HFM1: variants seen among roughly 807,000 people sequenced by gnomAD.
HFM1 encodes helicase for meiosis 1.
Under a neutral mutation model 192.1 loss-of-function variants are expected in HFM1, and 169 were observed. The observed-to-expected ratio is 0.88, with a 90% CI of 0.78 to 1.00. HFM1 has a LOEUF of 1.00. Ranked by LOEUF, HFM1 falls within the 50% of genes least tolerant of loss-of-function variation. The pLI is 0.00. For synonymous variants in HFM1, 525 were observed against 537.8 expected, an observed-to-expected ratio of 0.98 and a Z score of 0.33; for missense variants, 1,661 against 1,668.0, an observed-to-expected ratio of 1.00 and a Z score of 0.07.
At chr1:91,316,334 G>T in intron 26 of HFM1, 57 bp downstream of exon 26, 1 of 1,134,686 alleles carries the variant, frequency 8.8e-7, no homozygotes. Context: ...ACTTTTAATA[G>T]AAATAAAGGT....
At chr1:91,359,068 C>A (rs282053) in intron 13 of HFM1, among the ~76,000 whole-genome samples, 135,038 of 151,932 alleles carry the variant, frequency 0.89, 60,084 homozygotes, top group Middle Eastern at 0.94. Flanking sequence ...AACACCACCA[C>A]CAACAACAAA....
At chr1:91,375,033 G>A (rs1047126887) in intron 13 of HFM1, among the ~76,000 whole-genome samples, 1 of 152,078 alleles carries the variant, frequency 6.6e-6, no homozygotes, top group Admixed American at 6.6e-5. Context: ...TTTAAGTAAG[G>A]TGGAAGTGGC....
rs375334172 is a variant in HFM1 at position 91,378,261 on chromosome 1, T to C, written c.1237-78A>G. 5.5e-5 allele frequency: 71 copies of C among 1,281,966 alleles called. No individual in the cohort carries two copies. In the East Asian group the frequency reaches 9.7e-4, roughly 18 times the overall value. 79.4% of individuals were successfully genotyped at this position (1,281,966 alleles called of 1,614,324 possible). A position where few individuals can be genotyped will look rare whatever the true frequency, so the allele number is the denominator to read the frequency against. On this transcript the variant is annotated intron_variant, in intron 10 of 38. Coordinates refer to ENST00000370425, the MANE Select transcript of HFM1 (RefSeq NM_001017975.6). ...AATCAATTAAAATATTCAATAATAT[T>C]AACATTCTTGCTTGAGAAAATGAGC...
In HFM1 at chr1:91,276,054, C is replaced by A. The variant is rs182373125; in HGVS notation, c.3588+574G>T. Among the ~76,000 whole-genome samples, 411 of 152,250 alleles carry A rather than the reference C, an allele frequency of 2.7e-3. 2 individuals are homozygous for A. The highest frequency in any genetic ancestry group is 4.9e-3 in the Non-Finnish European group (336 of 68,008). ...GTACTGTATTACTGAGAAAGAGTTT[C>A]TTTAAAGATCCCTCTCTCTCTCTCT... On this transcript the variant is annotated intron_variant, in intron 32 of 38. Transcript: ENST00000370425.
intron 32 of HFM1, among the ~76,000 whole-genome samples, chr1:91,275,504 A>G (rs140661186): frequency 6.6e-6 from 1 of 152,144 alleles, no homozygotes; most frequent in Non-Finnish European, 1.5e-5. Flanking sequence ...CTCTAAATTC[A>G]GTGTTTCCCA....
At position 91,296,919 on chromosome 1, in the gene HFM1, CACTGGGGAATGTCAG is replaced by C. The variant is rs1459948232; in HGVS notation, c.3391+16415_3391+16429del. Reference sequence around the variant, plus strand: ...TCTAACTGAGGTACCGGGTTCATCTCACTGGGGAATGTCAGACAGTGGGTGCAGGACAGTGGGTGC... The same window carrying C: ...TCTAACTGAGGTACCGGGTTCATCTCACAGTGGGTGCAGGACAGTGGGTGC... On this transcript the variant is annotated intron_variant, in intron 30 of 38. Coordinates refer to ENST00000370425, the MANE Select transcript of HFM1 (RefSeq NM_001017975.6). Among the ~76,000 whole-genome samples, 3 of 152,306 alleles carry C rather than the reference CACTGGGGAATGTCAG, an allele frequency of 2.0e-5. No homozygotes were observed. The East Asian group carries it at 5.8e-4, about 29-fold the overall frequency.
At chr1:91,280,531 T>C (rs942843096) in intron 30 of HFM1, among the ~76,000 whole-genome samples, 21 of 152,184 alleles carry the variant, frequency 1.4e-4, no homozygotes, top group African/African-American at 5.1e-4. Flanking sequence ...AATGGCAAGA[T>C]AGGTAGTCTT....
chr1:91,285,518 A>G (rs1040440025), intron 30 of HFM1, among the ~76,000 whole-genome samples: 14 of 152,180 alleles, frequency 9.2e-5, no homozygotes, highest in Non-Finnish European at 1.9e-4. Flanking sequence ...AGGGTAATCT[A>G]TTGCCCCTTA....
At chr1:91,405,685 A>C (rs1237109999), upstream of HFM1, among the ~76,000 whole-genome samples, 6 of 152,216 alleles carry the variant, frequency 3.9e-5, no homozygotes, top group African/African-American at 1.4e-4. Context: ...GGGTTAAATA[A>C]AATAATATTT....
chr1:91,294,367 G>C (rs372362535), intron 30 of HFM1, among the ~76,000 whole-genome samples: 12 of 152,144 alleles, frequency 7.9e-5, no homozygotes, highest in African/African-American at 2.9e-4. Context: ...TATATACATG[G>C]ACTCATACAG....
At position 91,315,840 on chromosome 1, in the gene HFM1, G is replaced by C; in HGVS notation, c.3115C>G (p.Gln1039Glu). The C allele has an allele frequency of 6.2e-7, 1 of 1,609,786 alleles. No homozygotes were observed. The highest frequency in any genetic ancestry group is 2.2e-5 in the East Asian group (1 of 44,720). Residue 1039 changes from glutamine (Q) to glutamate (E), a missense_variant, in exon 28 of 39, where the codon CAA becomes GAA. By Grantham distance (29) the Gln-to-Glu change is conservative. Transcript: ENST00000370425. ...VTLIIGDADN[Q>E]VVYLHKITDS... ...GTAATCTTGTGCAGATAAACTACTT[G>C]ATTATCTGCGTCACCTATGATTAAG...
intron 18 of HFM1, among the ~76,000 whole-genome samples, chr1:91,348,405 G>T (rs944452952): frequency 6.6e-6 from 1 of 152,076 alleles, no homozygotes; most frequent in African/African-American, 2.4e-5. Context: ...TACCAATTTA[G>T]CCACAGGTAT....
chr1:91,355,386 G>A (rs1442776131), intron 13 of HFM1, among the ~76,000 whole-genome samples: 1 of 150,162 alleles, frequency 6.7e-6, no homozygotes, highest in Non-Finnish European at 1.5e-5. Context: ...GAAGGCAAAT[G>A]AATTAAATTC....
intron 11 of HFM1, 30 bp downstream of exon 11, chr1:91,377,995 C>T (rs776252392): frequency 1.0e-4 from 165 of 1,593,128 alleles, no homozygotes; most frequent in Admixed American, 6.1e-4. Flanking sequence ...TCATAAAAAA[C>T]CTAAGAGCTC....
chr1:91,294,709 A>G (rs553499316), intron 30 of HFM1, among the ~76,000 whole-genome samples: 40 of 152,314 alleles, frequency 2.6e-4, no homozygotes, highest in African/African-American at 8.4e-4. Flanking sequence ...GTAGAATTGT[A>G]TTGGGTCAAT....
chr1:91,345,050 T>C (rs1344295242), intron 19 of HFM1, among the ~76,000 whole-genome samples: 4 of 152,128 alleles, frequency 2.6e-5, no homozygotes, highest in Non-Finnish European at 5.9e-5. Flanking sequence ...GCCCAACCTA[T>C]ATGTATTTCT....
At chr1:91,312,802 C>G (rs1431041566) in intron 30 of HFM1, among the ~76,000 whole-genome samples, 3 of 152,072 alleles carry the variant, frequency 2.0e-5, no homozygotes, top group Non-Finnish European at 4.4e-5. Flanking sequence ...ACCAAAATCC[C>G]AACTTGAATT....
rs1663342986 is a variant in HFM1, at chr1:91,394,126, T to C, written c.461A>G (p.Asp154Gly). The change falls in exon 4 of 39, where the codon GAT becomes GGT. Residue 154 changes from aspartate to glycine, a missense_variant. Transcript: ENST00000370425. ...DDTKLVNFAE[D>G]KGESTSVFRK... ...GAATACTGATGTGCTCTCTCCTTTATCTTCTGCAAAATTAACTAATTTTGT... is the reference window on the plus strand; with the variant it reads ...GAATACTGATGTGCTCTCTCCTTTACCTTCTGCAAAATTAACTAATTTTGT... 1.2e-6 allele frequency: 2 copies of C among 1,601,434 alleles called. No individual in the cohort carries two copies. Among genetic ancestry groups the C allele is most frequent in the South Asian group, 2.2e-5 (2 of 89,602 alleles).
At chr1:91,320,010 T>C (rs1171807552) in intron 23 of HFM1, among the ~76,000 whole-genome samples, 1 of 152,166 alleles carries the variant, frequency 6.6e-6, no homozygotes, top group Non-Finnish European at 1.5e-5. Context: ...CTAGTGCCTA[T>C]GTGCCTAGTA....
Sources: gnomAD v4.1 joint callset for allele counts (sites outside exome capture counted in the v4.1 genomes callset) on GRCh38, gnomAD v4.1.1 for gene constraint, MANE v1.5 for transcripts, NCBI Gene and HGNC (gene_info 2026-07-23, HGNC 2026-07-21) for gene names.